Variants in SPNS3 observed in about 807,000 individuals in gnomAD.
SPNS3 encodes SPNS lysolipid transporter 3, sphingosine-1-phosphate (putative).
In SPNS3, 51 loss-of-function variants were observed where a neutral mutation model predicts 54.4. The observed-to-expected ratio is 0.94, with a 90% CI of 0.75 to 1.18. The LOEUF is 1.18. SPNS3 is among the 50% of genes most tolerant of loss of function. The pLI is 0.00. For synonymous variants in SPNS3, 309 were observed against 294.7 expected (o/e 1.05, Z -0.50); for missense variants, 669 against 677.4 (o/e 0.99, Z 0.14).
intron 9 of SPNS3, chr17:4,482,538 A>C (rs1972191721): frequency 6.6e-6 from 1 of 151,352 alleles, no homozygotes; most frequent in African/African-American, 2.4e-5. Flanking sequence ...TACGCCTCCA[A>C]TGGGGAGCTC....
At chr17:4,451,155 A>C (rs992503515) in intron 7 of SPNS3, among the ~76,000 whole-genome samples, 6 of 152,040 alleles carry the variant, frequency 3.9e-5, no homozygotes, top group Admixed American at 3.3e-4. Flanking sequence ...GCTAGCATAC[A>C]TCCGGGATTT....
Position 4,445,115 on chromosome 17 carries a change from G to C in SPNS3, c.349G>C (p.Gly117Arg), listed in dbSNP as rs138489347. The C allele has an allele frequency of 1.2e-6, 2 of 1,614,142 alleles. No homozygotes were observed. Among genetic ancestry groups the C allele is most frequent in the Non-Finnish European group, 1.7e-6 (2 of 1,180,012 alleles). ...RHSRKATMSF[G>R]ILLWSGAGLS... ...TAGCCGCAAGGCTACCATGAGCTTC[G>C]GTATCTTGCTGTGGTCAGGAGCTGG... Residue 117 changes from glycine to arginine, a missense_variant, in exon 3 of 12, where the codon GGT becomes CGT. Transcript: ENST00000355530.
intron 7 of SPNS3, among the ~76,000 whole-genome samples, chr17:4,452,367 T>C (rs892727969): frequency 1.3e-5 from 2 of 152,030 alleles, no homozygotes; most frequent in African/African-American, 4.8e-5. Flanking sequence ...GTGGAGGTTA[T>C]TTTGGAGGGA....
At chr17:4,453,855 C>T (rs1474791428) in intron 8 of SPNS3, among the ~76,000 whole-genome samples, 1 of 152,192 alleles carries the variant, frequency 6.6e-6, no homozygotes. Context: ...TTGGTTATGG[C>T]CAATGTGGAC....
chr17:4,439,640 C>T lies in SPNS3; in HGVS notation c.200-18C>T, dbSNP rs553318432. 68 of 1,610,734 alleles carry T rather than the reference C, an allele frequency of 4.2e-5. No individual in the cohort carries two copies. The East Asian group carries it at 1.3e-3, about 31-fold the overall frequency. The stretch of plus-strand genomic sequence containing the variant: ...AGGGCTACTTCCCGTTTCCTGAGCA[C>T]TGTCCCTCTGTCTGCAGGAGTGCTG... On this transcript the variant is annotated intron_variant, in intron 1 of 11. Transcript: ENST00000355530.
intron 2 of SPNS3, among the ~76,000 whole-genome samples, chr17:4,444,715 C>T (rs1456433499): frequency 6.6e-6 from 1 of 152,116 alleles, no homozygotes; most frequent in East Asian, 1.9e-4. Flanking sequence ...CCTGACGCTC[C>T]GCATTCAGTT....
chr17:4,454,027 T>A (rs1971239004), intron 8 of SPNS3, among the ~76,000 whole-genome samples: 2 of 152,168 alleles, frequency 1.3e-5, no homozygotes, highest in African/African-American at 4.8e-5. Flanking sequence ...CACCAGTTCC[T>A]CTTTTGTGCA....
intron 8 of SPNS3, among the ~76,000 whole-genome samples, chr17:4,466,639 C>T (rs931211436): frequency 4.9e-5 from 7 of 143,588 alleles, no homozygotes; most frequent in East Asian, 2.1e-4. Context: ...GTCAGGAGTT[C>T]GAAACCAGCC....
chr17:4,474,515 C>T (rs998744281), intron 8 of SPNS3, among the ~76,000 whole-genome samples: 3 of 152,116 alleles, frequency 2.0e-5, no homozygotes, highest in Non-Finnish European at 4.4e-5. Context: ...AGTCAGTTAC[C>T]GCCCAGTTGG....
chr17:4,476,548 GGAA>G (rs1555532565), intron 8 of SPNS3, among the ~76,000 whole-genome samples: 8 of 152,176 alleles, frequency 5.3e-5, no homozygotes, highest in Non-Finnish European at 1.0e-4. Flanking sequence ...GCAGGTGCCC[GGAA>G]GAAGTCAGAG....
chr17:4,435,234 G>A (rs1034428720), intron 1 of SPNS3, among the ~76,000 whole-genome samples: 1 of 151,886 alleles, frequency 6.6e-6, no homozygotes, highest in Non-Finnish European at 1.5e-5. Flanking sequence ...ACCAGCCTGG[G>A]CAACATGGTG....
At chr17:4,461,249 T>G (rs1971491465) in intron 8 of SPNS3, among the ~76,000 whole-genome samples, 1 of 152,014 alleles carries the variant, frequency 6.6e-6, no homozygotes, top group East Asian at 1.9e-4. Context: ...TTTTTCTTGG[T>G]CAGTTTATCT....
intron 6 of SPNS3, among the ~76,000 whole-genome samples, chr17:4,448,563 T>C (rs555556013): frequency 4.8e-4 from 73 of 152,354 alleles, no homozygotes; most frequent in African/African-American, 1.7e-3. Context: ...CCCTCTGCCC[T>C]GCCCATAAGT....
chr17:4,478,872 A>G lies in SPNS3; in HGVS notation c.1179+235A>G. 1.3e-5 allele frequency among the ~76,000 whole-genome samples: 2 copies of G among 152,204 alleles called. 1 individual carries two copies. Among genetic ancestry groups the G allele is most frequent in the Admixed American group, 1.3e-4 (2 of 15,278 alleles). On this transcript the variant is annotated intron_variant, in intron 9 of 11. Transcript: ENST00000355530. ...TTCAGAGAAGGCAGGTGCCTGTTCC[A>G]AAGTCACACAGCCCCAACGCAGGGA...
intron 2 of SPNS3, 96 bp from the exon 3 acceptor site, chr17:4,444,936 T>C (rs958234209): frequency 2.1e-6 from 3 of 1,431,916 alleles, no homozygotes; most frequent in Non-Finnish European, 1.9e-6. Flanking sequence ...TGCCAGCTTG[T>C]GGCATCTGAG....
At chr17:4,472,676 C>G (rs1410037539) in intron 8 of SPNS3, among the ~76,000 whole-genome samples, 1 of 150,820 alleles carries the variant, frequency 6.6e-6, no homozygotes, top group Non-Finnish European at 1.5e-5. Context: ...GTTAATTTCT[C>G]TCCAGATATG....
At chr17:4,459,792 C>T (rs1008023769) in intron 8 of SPNS3, among the ~76,000 whole-genome samples, 1 of 151,612 alleles carries the variant, frequency 6.6e-6, no homozygotes. Flanking sequence ...CCTGAGAGAA[C>T]TTACATTCTA....
chr17:4,460,607 ATTTTTTT>A (rs60134022), intron 8 of SPNS3, among the ~76,000 whole-genome samples: 1 of 121,658 alleles, frequency 8.2e-6, no homozygotes, highest in African/African-American at 3.1e-5. Flanking sequence ...AATTTTTTGT[ATTTTTTT>A]TTTTTTTTTA....
chr17:4,458,621 C>CTTTCTTTCTTTGT (rs1555530835), intron 8 of SPNS3, among the ~76,000 whole-genome samples: 1 of 114,942 alleles, frequency 8.7e-6, no homozygotes, highest in Non-Finnish European at 1.9e-5. Context: ...TTCTTTCTTT[C>CTTTCTTTCTTTGT]TTTCTTTCTT....
Sources: allele counts gnomAD v4.1 joint callset (sites outside exome capture counted in the v4.1 genomes callset), GRCh38; gene constraint gnomAD v4.1.1; transcripts MANE v1.5; gene names NCBI Gene and HGNC (gene_info 2026-07-23, HGNC 2026-07-21).